Variants in RORC observed in about 807,000 individuals in gnomAD.
RORC encodes nuclear receptor ROR-gamma.
Under a neutral mutation model 64.5 loss-of-function variants are expected in RORC, and 13 were observed. The ratio of observed to expected loss-of-function variants is 0.20; its 90% CI spans 0.13 to 0.32. The LOEUF (loss-of-function observed/expected upper bound fraction) is 0.32, where lower values mean the gene tolerates loss of function less well. Among genes scored for constraint, RORC ranks in the 10% least tolerant of loss-of-function variants. The pLI is 1.00. For synonymous variants in RORC, 277 were observed against 259.3 expected, an observed-to-expected ratio of 1.07 and a Z score of -0.65; for missense variants, 468 against 669.5, an observed-to-expected ratio of 0.70 and a Z score of 3.32.
chr1:151,829,013 T>G (rs561036377), intron 2 of RORC, among the ~76,000 whole-genome samples: 1 of 147,776 alleles, frequency 6.8e-6, no homozygotes, highest in Non-Finnish European at 1.5e-5. Context: ...GCAGGCTCCC[T>G]GTCTCCCTTG....
chr1:151,821,578 A>G (rs147961173), intron 2 of RORC, among the ~76,000 whole-genome samples: 5 of 152,352 alleles, frequency 3.3e-5, no homozygotes, highest in East Asian at 1.9e-4. Flanking sequence ...CATCTTACAG[A>G]TGAGAAAACT....
At chr1:151,810,219 A>AT (rs997899334) in intron 10 of RORC, among the ~76,000 whole-genome samples, 16 of 151,636 alleles carry the variant, frequency 1.1e-4, no homozygotes, top group South Asian at 4.2e-4. Flanking sequence ...CAGGAAAAGG[A>AT]TTTTTTTTCA....
chr1:151,830,075 A>G lies in RORC; in HGVS notation c.41-617T>C, dbSNP rs972350965. Among the ~76,000 whole-genome samples, 4 of 152,142 alleles carry G rather than the reference A, an allele frequency of 2.6e-5. No individual in the cohort carries two copies. Among genetic ancestry groups the G allele is most frequent in the African/African-American group, 9.7e-5 (4 of 41,418 alleles). On this transcript the variant is annotated intron_variant, in intron 1 of 10. Coordinates refer to ENST00000318247, the MANE Select transcript of RORC (RefSeq NM_005060.4). This position sits in a 1 kb window ranked among gnomAD's most constrained non-coding sequence, Gnocchi z 4.0. ...CTCTTGGTTGCTTATCTATGCCTGA[A>G]AACACCAGGGCTTCAGAGATGTGGG...
rs535837313 is a variant in RORC at position 151,807,786 on chromosome 1, G to A, written c.1396-153C>T. On this transcript the variant is annotated intron_variant, in intron 10 of 10. Transcript: ENST00000318247. The surrounding 1 kb of genome is among the most constrained non-coding windows in gnomAD (Gnocchi z 5.0). ...CACCAGCCAAATCCCACTGGTAGAA[G>A]TACGTGTGTGTTCAGGACACTGGAG... 1.1e-4 allele frequency among the ~76,000 whole-genome samples: 17 copies of A among 152,356 alleles called. No homozygotes were observed. The East Asian group carries it at 2.9e-3, about 26-fold the overall frequency.
chr1:151,822,319 C>T (rs2101669354), intron 2 of RORC, among the ~76,000 whole-genome samples: 1 of 151,920 alleles, frequency 6.6e-6, no homozygotes, highest in Non-Finnish European at 1.5e-5. Flanking sequence ...TGGGTGGGGG[C>T]TGGGGGAGAA....
In RORC at chr1:151,807,318, G is replaced by C; in HGVS notation, c.*154C>G. ...TGTCCCACTGCCAGGCCGGCCTGCT[G>C]ACAGAAAGCCAGCCGCAGCATCTGC... is the stretch of plus-strand genomic sequence containing the variant. On this transcript the variant is annotated 3_prime_UTR_variant, in exon 11 of 11. Transcript: ENST00000318247. The surrounding 1 kb of genome is among the most constrained non-coding windows in gnomAD (Gnocchi z 5.0). The C allele has an allele frequency of 1.4e-6, 1 of 691,428 alleles. No homozygotes were observed. Among genetic ancestry groups the C allele is most frequent in the Non-Finnish European group, 2.3e-6 (1 of 428,658 alleles). 42.8% of individuals were successfully genotyped at this position (691,428 alleles called of 1,614,324 possible).
chr1:151,831,230 A>C, intron 1 of RORC: 1 of 719,202 alleles, frequency 1.4e-6, no homozygotes, highest in African/African-American at 1.9e-5. Context: ...CCCCTGCCAC[A>C]CTCCCCAAGT....
chr1:151,830,142 G>A lies in RORC; in HGVS notation c.41-684C>T, dbSNP rs1188798599. Among the ~76,000 whole-genome samples the A allele has an allele frequency of 6.6e-6, 1 of 152,118 alleles. No individual in the cohort carries two copies. The highest frequency in any genetic ancestry group is 2.4e-5 in the African/African-American group (1 of 41,400). On this transcript the variant is annotated intron_variant, in intron 1 of 10. Coordinates refer to ENST00000318247, the MANE Select transcript of RORC (RefSeq NM_005060.4). The surrounding 1 kb of genome is among the most constrained non-coding windows in gnomAD (Gnocchi z 4.0). Reference sequence around the variant, plus strand: ...AGAGGATGTTTGGAGGAAGAGGAGGGGAGAGTTGCAAATACAGACCCCTCT... The same window carrying A: ...AGAGGATGTTTGGAGGAAGAGGAGGAGAGAGTTGCAAATACAGACCCCTCT...
At chr1:151,812,194 C>T (rs925308703) in intron 9 of RORC, 1 of 152,182 alleles carries the variant, frequency 6.6e-6, no homozygotes, top group Non-Finnish European at 1.5e-5. Context: ...CACCCCTTAT[C>T]AATTACAGAT....
chr1:151,824,962 GGCT>G (rs1339617877), intron 2 of RORC, among the ~76,000 whole-genome samples: 1 of 152,154 alleles, frequency 6.6e-6, no homozygotes, highest in East Asian at 1.9e-4. Context: ...TTGAAGCTGG[GGCT>G]GCTTCAGGCC....
At chr1:151,810,848 T>G (rs61815115) in intron 10 of RORC, among the ~76,000 whole-genome samples, 9,654 of 152,310 alleles carry the variant, frequency 0.063, 400 homozygotes, top group Non-Finnish European at 0.091. Flanking sequence ...ACAGGGAGAT[T>G]TGAACACCTG....
At chr1:151,823,128 G>A (rs1367633435) in intron 2 of RORC, among the ~76,000 whole-genome samples, 7 of 152,170 alleles carry the variant, frequency 4.6e-5, no homozygotes, top group African/African-American at 7.2e-5. Flanking sequence ...CTGGAGTGAT[G>A]AAAGGAAGGA....
At position 151,830,621 on chromosome 1, in the gene RORC, T is replaced by TACACACACACACACACACACACACACAC. The variant is rs1553293049; in HGVS notation, c.40+1076_40+1103dup. Among the ~76,000 whole-genome samples, 18 of 57,192 alleles carry TACACACACACACACACACACACACACAC rather than the reference T, an allele frequency of 3.1e-4. No individual in the cohort carries two copies. The East Asian group carries it at 6.1e-3, about 19-fold the overall frequency. The allele number at this position is 57,192 out of a possible 152,430, so 37.5% of individuals were successfully genotyped here. On this transcript the variant is annotated intron_variant, in intron 1 of 10. Coordinates refer to ENST00000318247, the MANE Select transcript of RORC (RefSeq NM_005060.4). This position sits in a 1 kb window ranked among gnomAD's most constrained non-coding sequence, Gnocchi z 4.0. ...TGCTGTTCAGTCTTGACACCTGACA[T>TACACACACACACACACACACACACACAC]ACACACACACACACACACACACACA...
rs1651321470 is a variant in RORC at position 151,806,601 on chromosome 1, C to CT, written c.*870dup. ...ACTTTCCCCTGAGGCCTCTAGGCTCCTCCAAGCTGTGGCCTCAAGGATAAG... is the reference window on the plus strand; with the variant it reads ...ACTTTCCCCTGAGGCCTCTAGGCTCCTTCCAAGCTGTGGCCTCAAGGATAAG... On this transcript the variant is annotated 3_prime_UTR_variant, in exon 11 of 11. Coordinates refer to ENST00000318247, the MANE Select transcript of RORC (RefSeq NM_005060.4). 6.6e-6 allele frequency: 1 copy of CT among 152,214 alleles called. No homozygotes were observed. The allele number at this position is 152,214 out of a possible 1,614,324, so 9.4% of individuals were successfully genotyped here. A position where few individuals can be genotyped will look rare whatever the true frequency, so the allele number is the denominator to read the frequency against.
chr1:151,828,291 C>A (rs148050394), intron 2 of RORC, among the ~76,000 whole-genome samples: 1 of 152,304 alleles, frequency 6.6e-6, no homozygotes, highest in East Asian at 1.9e-4. Flanking sequence ...GGTGTGGCCA[C>A]TCCTACCCTG....
intron 2 of RORC, among the ~76,000 whole-genome samples, chr1:151,818,025 GT>G (rs1414572180): frequency 1.3e-5 from 2 of 152,228 alleles, no homozygotes; most frequent in South Asian, 2.1e-4. Flanking sequence ...ATCCATTTGT[GT>G]GAACATGAAT....
chr1:151,813,716 G>T lies in RORC; in HGVS notation c.934-96C>A, dbSNP rs1157085411. 1.2e-5 allele frequency: 17 copies of T among 1,375,394 alleles called. No homozygotes were observed. The Admixed American group carries it at 3.5e-4, about 28-fold the overall frequency. 85.2% of individuals were successfully genotyped at this position (1,375,394 alleles called of 1,614,324 possible). A position where few individuals can be genotyped will look rare whatever the true frequency, so the allele number is the denominator to read the frequency against. ...CCACCTAATAAACTGCAAGGGGTAG[G>T]CTCTGAACTCCTATGTTCTCAACTA... On this transcript the variant is annotated intron_variant, in intron 6 of 10. Transcript: ENST00000318247.
At chr1:151,827,846 T>A (rs922929321) in intron 2 of RORC, among the ~76,000 whole-genome samples, 2 of 152,160 alleles carry the variant, frequency 1.3e-5, no homozygotes, top group Non-Finnish European at 2.9e-5. Flanking sequence ...TAGTCCTGGC[T>A]GAGGTTTCTG....
At chr1:151,812,809 G>A in intron 9 of RORC, 138 bp downstream of exon 9, 1 of 592,316 alleles carries the variant, frequency 1.7e-6, no homozygotes, top group Non-Finnish European at 3.0e-6. Flanking sequence ...TTATTTTATA[G>A]CAATACTGAG....
Sources: allele counts gnomAD v4.1 joint callset (sites outside exome capture counted in the v4.1 genomes callset), GRCh38; gene constraint gnomAD v4.1.1; non-coding constraint Gnocchi (gnomAD v3.1); transcripts MANE v1.5; gene names NCBI Gene and HGNC (gene_info 2026-07-23, HGNC 2026-07-21).